Variants in WDR7 observed in about 807,000 individuals in gnomAD.
WDR7 encodes the protein WD repeat-containing protein 7.
Under a neutral mutation model 169.4 loss-of-function variants are expected in WDR7, and 46 were observed. That is an observed-to-expected ratio of 0.27 (90% confidence interval 0.21 to 0.35). The LOEUF is 0.35. Ranked by LOEUF, WDR7 falls within the 10% of genes least tolerant of loss-of-function variation. WDR7 has a pLI of 1.00. For synonymous variants in WDR7, 612 were observed against 666.8 expected, an observed-to-expected ratio of 0.92 and a Z score of 1.27; for missense variants, 1,534 against 1,859.3, an observed-to-expected ratio of 0.83 and a Z score of 3.22.
intron 6 of WDR7, among the ~76,000 whole-genome samples, chr18:56,686,604 T>C (rs1386173816): frequency 6.6e-6 from 1 of 152,156 alleles, no homozygotes; most frequent in South Asian, 2.1e-4. Context: ...CATCTGTCAT[T>C]ACCAGAGTGA....
chr18:56,671,576 CAG>C lies in WDR7; in HGVS notation c.-19-918_-19-917del, dbSNP rs1304137922. 5.9e-5 allele frequency among the ~76,000 whole-genome samples: 9 copies of C among 152,218 alleles called. No individual in the cohort carries two copies. The East Asian group carries it at 1.4e-3, about 23-fold the overall frequency. ...GTGAGCCACTGCGCCCGGCCCTGAA[CAG>C]AGTTTTGAAAATGTTTAGCTCAGTG... On this transcript the variant is annotated intron_variant, in intron 1 of 27. Coordinates refer to ENST00000254442, the MANE Select transcript of WDR7 (RefSeq NM_015285.3).
chr18:56,677,490 C>T (rs1353495209), intron 2 of WDR7, among the ~76,000 whole-genome samples: 1 of 152,250 alleles, frequency 6.6e-6, no homozygotes, highest in Non-Finnish European at 1.5e-5. Context: ...GCTGGGACTA[C>T]AGATGTGTGC....
intron 5 of WDR7, among the ~76,000 whole-genome samples, chr18:56,683,904 G>T (rs2025396627): frequency 6.6e-6 from 1 of 152,128 alleles, no homozygotes; most frequent in Non-Finnish European, 1.5e-5. Flanking sequence ...CAGGTGCAAG[G>T]GATTGAAATA....
intron 25 of WDR7, among the ~76,000 whole-genome samples, chr18:56,940,117 T>C (rs990041896): frequency 6.6e-6 from 1 of 152,136 alleles, no homozygotes; most frequent in African/African-American, 2.4e-5. Context: ...TCGTTAGAAA[T>C]AGTATTTAAA....
chr18:56,668,771 T>A (rs1008184952), intron 1 of WDR7, among the ~76,000 whole-genome samples: 16 of 152,330 alleles, frequency 1.1e-4, no homozygotes, highest in Admixed American at 1.0e-3. Flanking sequence ...ACAGTAATAC[T>A]TTTATACTTT....
In WDR7 at chr18:56,830,013, A is replaced by C. The variant is rs373123668; in HGVS notation, c.3304+13869A>C. On this transcript the variant is annotated intron_variant, in intron 20 of 27. Coordinates refer to ENST00000254442, the MANE Select transcript of WDR7 (RefSeq NM_015285.3). Reference sequence around the variant, plus strand: ...AGTCTTTGTTTTTTAAAAAATGGGGAAAATTGGATCCAAGCAGCTCTAAAT... The same window carrying C: ...AGTCTTTGTTTTTTAAAAAATGGGGCAAATTGGATCCAAGCAGCTCTAAAT... 7.2e-5 allele frequency among the ~76,000 whole-genome samples: 11 copies of C among 152,304 alleles called. No individual in the cohort carries two copies. The East Asian group carries it at 1.5e-3, about 21-fold the overall frequency.
intron 19 of WDR7, among the ~76,000 whole-genome samples, chr18:56,789,314 T>C (rs2044448960): frequency 6.6e-6 from 1 of 152,234 alleles, no homozygotes; most frequent in African/African-American, 2.4e-5. Context: ...CTTGGATGGA[T>C]TGGTTATTTA....
At chr18:56,907,916 G>T (rs889137546) in intron 21 of WDR7, among the ~76,000 whole-genome samples, 6 of 152,180 alleles carry the variant, frequency 3.9e-5, no homozygotes, top group Non-Finnish European at 8.8e-5. Flanking sequence ...CAAACATGCA[G>T]AACAGCAGCT....
intron 21 of WDR7, among the ~76,000 whole-genome samples, chr18:56,896,134 TA>T (rs1374704054): frequency 6.6e-6 from 1 of 151,652 alleles, no homozygotes; most frequent in Non-Finnish European, 1.5e-5. Context: ...TAACAAAAAA[TA>T]TGTAAGACTT....
At chr18:56,705,914 C>G (rs1410664248) in intron 12 of WDR7, among the ~76,000 whole-genome samples, 1 of 152,214 alleles carries the variant, frequency 6.6e-6, no homozygotes, top group Non-Finnish European at 1.5e-5. Context: ...AGGAAAGTCC[C>G]TTGAACCTGG....
intron 1 of WDR7, among the ~76,000 whole-genome samples, chr18:56,653,587 A>G (rs1278052710): frequency 6.6e-6 from 1 of 152,100 alleles, no homozygotes; most frequent in Non-Finnish European, 1.5e-5. Context: ...TATGATGTGT[A>G]TTCTTCTGTT....
chr18:56,864,068 C>G (rs2045846959), intron 20 of WDR7, among the ~76,000 whole-genome samples: 1 of 151,418 alleles, frequency 6.6e-6, no homozygotes, highest in South Asian at 2.1e-4. Context: ...ACCAAACTAT[C>G]CAAGTAATAT....
chr18:57,013,390 C>T (rs1323776865), intron 26 of WDR7, among the ~76,000 whole-genome samples: 1 of 152,150 alleles, frequency 6.6e-6, no homozygotes, highest in Non-Finnish European at 1.5e-5. Flanking sequence ...GTTTACCCTT[C>T]CATGTACAAT....
chr18:56,908,241 G>T (rs976852449), intron 21 of WDR7, among the ~76,000 whole-genome samples: 1 of 152,152 alleles, frequency 6.6e-6, no homozygotes, highest in African/African-American at 2.4e-5. Flanking sequence ...CAGGGCAAAG[G>T]CTGGGAAACC....
At chr18:56,674,079 G>A (rs912923483) in intron 2 of WDR7, among the ~76,000 whole-genome samples, 1 of 152,108 alleles carries the variant, frequency 6.6e-6, no homozygotes, top group African/African-American at 2.4e-5. Flanking sequence ...GCTGCTATGA[G>A]TATTACACAT....
chr18:57,005,305 C>T (rs1256915795), intron 26 of WDR7, among the ~76,000 whole-genome samples: 1 of 151,924 alleles, frequency 6.6e-6, no homozygotes, highest in Admixed American at 6.6e-5. Context: ...AGCAGAAGCA[C>T]AGTTTTAGGG....
intron 14 of WDR7, among the ~76,000 whole-genome samples, chr18:56,748,663 A>G (rs2043741191): frequency 6.6e-6 from 1 of 152,008 alleles, no homozygotes; most frequent in African/African-American, 2.4e-5. Context: ...TAATGAAAAC[A>G]TATGAAAAGT....
chr18:56,965,642 A>G (rs906398723), intron 26 of WDR7, among the ~76,000 whole-genome samples: 18 of 152,078 alleles, frequency 1.2e-4, no homozygotes, highest in African/African-American at 4.3e-4. Context: ...TCGTTTATAT[A>G]TTGTCTACTA....
At chr18:56,749,138 T>C (rs2043748794) in intron 14 of WDR7, among the ~76,000 whole-genome samples, 1 of 152,060 alleles carries the variant, frequency 6.6e-6, no homozygotes. Context: ...GAAATTCTTT[T>C]AAAAACTTTT....
Sources: gnomAD v4.1 joint callset for allele counts (sites outside exome capture counted in the v4.1 genomes callset) on GRCh38, gnomAD v4.1.1 for gene constraint, MANE v1.5 for transcripts, NCBI Gene and HGNC (gene_info 2026-07-23, HGNC 2026-07-21) for gene names.